Variants in EFHC2 observed in about 807,000 individuals in gnomAD.
EFHC2 encodes the protein EF-hand domain containing 2.
A neutral mutation model predicts 52.7 loss-of-function variants in EFHC2; 18 were observed. The observed-to-expected ratio is 0.34, with a 90% CI of 0.24 to 0.51. EFHC2 has a LOEUF of 0.51. Ranked by LOEUF, EFHC2 falls within the 20% of genes least tolerant of loss-of-function variation. The pLI, the probability that EFHC2 is intolerant of heterozygous loss-of-function variation, is 0.97. For synonymous variants in EFHC2, 203 were observed against 204.1 expected (o/e 0.99, Z 0.04); for missense variants, 513 against 562.5 (o/e 0.91, Z 0.89).
intron 8 of EFHC2, among the ~76,000 whole-genome samples, chrX:44,236,660 G>A: frequency 8.9e-6 from 1 of 111,867 alleles, no homozygotes. Flanking sequence ...CATGTGAGAC[G>A]GTGTGCAGCA....
At chrX:44,297,508 G>C (rs747217141) in intron 2 of EFHC2, among the ~76,000 whole-genome samples, 1 of 109,748 alleles carries the variant, frequency 9.1e-6, no homozygotes, top group Non-Finnish European at 1.9e-5. Flanking sequence ...GGCAGATCAC[G>C]AAGTCAGGAG....
chrX:44,311,612 TA>T (rs1298000262), intron 2 of EFHC2, among the ~76,000 whole-genome samples: 3 of 112,153 alleles, frequency 2.7e-5, no homozygotes, highest in Non-Finnish European at 3.8e-5. Flanking sequence ...TTAGCCTTTT[TA>T]AAAAATATTC....
At chrX:44,327,824 AT>A (rs762708086) in intron 1 of EFHC2, among the ~76,000 whole-genome samples, 11 of 112,074 alleles carry the variant, frequency 9.8e-5, no homozygotes, top group East Asian at 2.8e-4. Context: ...AATCTCAAAC[AT>A]TTTTTAAGCT....
At chrX:44,161,111 G>A (rs1022231774) in intron 14 of EFHC2, among the ~76,000 whole-genome samples, 1 of 111,524 alleles carries the variant, frequency 9.0e-6, no homozygotes, top group African/African-American at 3.3e-5. Context: ...CCCCAACACA[G>A]AGGTAAACAT....
chrX:44,297,084 A>C (rs1031034220), intron 2 of EFHC2, among the ~76,000 whole-genome samples: 2 of 112,150 alleles, frequency 1.8e-5, no homozygotes, highest in Non-Finnish European at 3.8e-5. Context: ...GGCATTTGAC[A>C]TGCATTACCC....
At chrX:44,335,628 TTTTA>T (rs768126690) in intron 1 of EFHC2, among the ~76,000 whole-genome samples, 124 of 112,035 alleles carry the variant, frequency 1.1e-3, no homozygotes, top group Admixed American at 4.5e-3. Flanking sequence ...GGTTGTATAT[TTTTA>T]TTTATGTTAG....
At chrX:44,322,245 C>T (rs778911198) in intron 1 of EFHC2, among the ~76,000 whole-genome samples, 1 of 112,196 alleles carries the variant, frequency 8.9e-6, no homozygotes, top group East Asian at 2.8e-4. Context: ...ACTGTACTCA[C>T]CATATTATAC....
intron 2 of EFHC2, among the ~76,000 whole-genome samples, chrX:44,278,568 T>C (rs757640184): frequency 6.3e-5 from 7 of 111,233 alleles, no homozygotes; most frequent in Non-Finnish European, 9.4e-5. Context: ...CTGACCTTCT[T>C]CCATCATTCT....
chrX:44,149,968 C>G (rs2036557514), intron 14 of EFHC2, among the ~76,000 whole-genome samples: 1 of 112,018 alleles, frequency 8.9e-6, no homozygotes, highest in Admixed American at 9.5e-5. Context: ...TATACACACA[C>G]AGATGCACAT....
At chrX:44,279,504 C>T (rs1023828134) in intron 2 of EFHC2, among the ~76,000 whole-genome samples, 2 of 110,861 alleles carry the variant, frequency 1.8e-5, no homozygotes, top group Non-Finnish European at 3.8e-5. Flanking sequence ...TTTTAGAAAG[C>T]TCATCAAGAA....
At chrX:44,171,766 A>G (rs1334669907) in intron 13 of EFHC2, among the ~76,000 whole-genome samples, 3 of 111,898 alleles carry the variant, frequency 2.7e-5, no homozygotes, top group Admixed American at 9.5e-5. Context: ...CTTTTCAACT[A>G]GAAATCCCCT....
At chrX:44,241,596 G>A (rs2872051) in intron 8 of EFHC2, among the ~76,000 whole-genome samples, 23,988 of 111,379 alleles carry the variant, frequency 0.22, 3,283 homozygotes, top group African/African-American at 0.49. Flanking sequence ...CGGTTGGCAA[G>A]ATCAAAATAA....
intron 14 of EFHC2, among the ~76,000 whole-genome samples, chrX:44,157,054 A>C (rs1043264275): frequency 1.8e-5 from 2 of 112,698 alleles, no homozygotes; most frequent in African/African-American, 6.4e-5. Flanking sequence ...GCCATAGCCG[A>C]CAGTCATGAT....
intron 1 of EFHC2, among the ~76,000 whole-genome samples, chrX:44,337,247 T>C (rs1300182405): frequency 3.6e-5 from 4 of 111,803 alleles, no homozygotes; most frequent in African/African-American, 1.3e-4. Flanking sequence ...TTTAACTATC[T>C]GTTTTGGGTT....
intron 11 of EFHC2, among the ~76,000 whole-genome samples, chrX:44,204,451 A>C (rs1386500914): frequency 8.9e-6 from 1 of 111,778 alleles, no homozygotes; most frequent in African/African-American, 3.3e-5. Context: ...TATCCAAGAG[A>C]AAGTTGAAAT....
intron 1 of EFHC2, among the ~76,000 whole-genome samples, chrX:44,319,412 C>T (rs1450310550): frequency 9.0e-6 from 1 of 111,713 alleles, no homozygotes; most frequent in African/African-American, 3.3e-5. Flanking sequence ...TGCGCTGTCT[C>T]TGCACACAAA....
At chrX:44,317,321 T>A (rs542416076) in intron 1 of EFHC2, among the ~76,000 whole-genome samples, 1 of 112,391 alleles carries the variant, frequency 8.9e-6, no homozygotes, top group African/African-American at 3.2e-5. Flanking sequence ...ACGCAGTTTG[T>A]CAGTTTGCCA....
At chrX:44,235,532 T>A in intron 8 of EFHC2, 85 bp from the exon 9 acceptor site, 1 of 950,676 alleles carries the variant, frequency 1.1e-6, no homozygotes, top group Non-Finnish European at 1.4e-6. Flanking sequence ...AAAGATATAA[T>A]ATGGCTTTAA....
At chrX:44,252,270 T>C (rs1251168461) in intron 4 of EFHC2, among the ~76,000 whole-genome samples, 2 of 111,901 alleles carry the variant, frequency 1.8e-5, no homozygotes, top group Non-Finnish European at 3.8e-5. Flanking sequence ...CCATTTCATC[T>C]GATGTAACCA....
Sources: allele counts gnomAD v4.1 joint callset (sites outside exome capture counted in the v4.1 genomes callset), GRCh38; gene constraint gnomAD v4.1.1; transcripts MANE v1.5; gene names NCBI Gene and HGNC (gene_info 2026-07-23, HGNC 2026-07-21).